The following SVOP variants were observed in gnomAD, a reference collection of about 807,000 sequenced individuals.
The protein encoded by SVOP is synaptic vesicle 2-related protein.
SVOP carries 17 observed loss-of-function variants against 69.1 expected under a neutral mutation model. The observed-to-expected ratio is 0.25, with a 90% CI of 0.17 to 0.37. The LOEUF (loss-of-function observed/expected upper bound fraction) is 0.37, where lower values mean the gene tolerates loss of function less well. Ranked by LOEUF, SVOP falls within the 10% of genes least tolerant of loss-of-function variation. The pLI, the probability that SVOP is intolerant of heterozygous loss-of-function variation, is 1.00. For synonymous variants in SVOP, 238 were observed against 238.6 expected, an observed-to-expected ratio of 1.00 and a Z score of 0.02; for missense variants, 435 against 597.5, an observed-to-expected ratio of 0.73 and a Z score of 2.84.
At chr12:108,963,998 AC>A (rs946973205) in intron 5 of SVOP, among the ~76,000 whole-genome samples, 11 of 152,322 alleles carry the variant, frequency 7.2e-5, no homozygotes, top group African/African-American at 2.6e-4. Flanking sequence ...AAAATATATT[AC>A]AATTTTTTTA....
rs760331681 is a variant in SVOP at position 108,954,113 on chromosome 12, CAA to C, written c.578+6808_578+6809del. On this transcript the variant is annotated intron_variant, in intron 6 of 15. Coordinates refer to ENST00000610966, the MANE Select transcript of SVOP (RefSeq NM_018711.5). ...TGGGTGACAGAGTAAGAATCTGTCT[CAA>C]AAAAAAAAAAAAAAAAAAAAGCTAT... Among the ~76,000 whole-genome samples, 443 of 61,968 alleles carry C rather than the reference CAA, an allele frequency of 7.1e-3. 5 individuals are homozygous for C. The highest frequency in any genetic ancestry group is 0.022 in the African/African-American group (394 of 18,098). The allele number at this position is 61,968 out of a possible 152,430, so 40.7% of individuals were successfully genotyped here. A position where few individuals can be genotyped will look rare whatever the true frequency, so the allele number is the denominator to read the frequency against.
chr12:108,936,101 AG>A (rs1301257094), intron 10 of SVOP, among the ~76,000 whole-genome samples: 1 of 151,788 alleles, frequency 6.6e-6, no homozygotes, highest in Non-Finnish European at 1.5e-5. Context: ...GCTGGAGTGC[AG>A]GGGAGCAATG....
At chr12:108,925,179 C>G (rs913399961) in intron 11 of SVOP, among the ~76,000 whole-genome samples, 1 of 152,218 alleles carries the variant, frequency 6.6e-6, no homozygotes, top group Non-Finnish European at 1.5e-5. Context: ...TGTACCCCTG[C>G]CTTTAAAAAT....
At chr12:108,945,974 G>A (rs190419866) in intron 6 of SVOP, among the ~76,000 whole-genome samples, 1 of 152,286 alleles carries the variant, frequency 6.6e-6, no homozygotes, top group East Asian at 1.9e-4. Context: ...TCCCCTTTGT[G>A]GGGAAGTATT....
At chr12:108,947,275 G>A (rs2039930889) in intron 6 of SVOP, among the ~76,000 whole-genome samples, 1 of 151,984 alleles carries the variant, frequency 6.6e-6, no homozygotes, top group African/African-American at 2.4e-5. Flanking sequence ...TGCTCAGTGT[G>A]CTCATTGCTC....
chr12:108,968,168 G>A (rs985366591), intron 5 of SVOP, among the ~76,000 whole-genome samples: 1 of 152,196 alleles, frequency 6.6e-6, no homozygotes, highest in African/African-American at 2.4e-5. Context: ...TGGAAACAAG[G>A]AGGTCTGGTT....
Position 108,978,592 on chromosome 12 carries a change from T to G in SVOP, c.268A>C (p.Thr90Pro), listed in dbSNP as rs1207733658. ...GKFQWKLSVL[T>P]GLAWMADAME... ...GAAATACTTGCCCAAGCCAAGCCAG[T>G]GAGAACAGACAGCTTCCACTGAAAT... Residue 90 changes from threonine (T) to proline (P), a missense_variant, in exon 3 of 16, where the codon ACT becomes CCT. Transcript: ENST00000610966. 1.4e-6 allele frequency: 1 copy of G among 703,838 alleles called. No homozygotes were observed. The allele number at this position is 703,838 out of a possible 1,614,324, so 43.6% of individuals were successfully genotyped here.
At chr12:108,997,101 C>T (rs188643613) in intron 1 of SVOP, among the ~76,000 whole-genome samples, 1 of 151,636 alleles carries the variant, frequency 6.6e-6, no homozygotes, top group Non-Finnish European at 1.5e-5. Context: ...TCAGTGGGTG[C>T]GTGCACCGTG....
At chr12:108,984,675 G>A (rs2040157851) in intron 1 of SVOP, among the ~76,000 whole-genome samples, 2 of 152,128 alleles carry the variant, frequency 1.3e-5, no homozygotes, top group Non-Finnish European at 2.9e-5. Context: ...GCTGTTTCTT[G>A]TTCCTCTGCA....
intron 1 of SVOP, among the ~76,000 whole-genome samples, chr12:108,999,771 A>G (rs1297773050): frequency 6.7e-6 from 1 of 150,106 alleles, no homozygotes; most frequent in Non-Finnish European, 1.5e-5. Context: ...CAACGAGAAC[A>G]AAGACACAAC....
intron 5 of SVOP, among the ~76,000 whole-genome samples, chr12:108,971,834 G>A (rs527506671): frequency 1.2e-4 from 18 of 151,806 alleles, no homozygotes; most frequent in Non-Finnish European, 1.8e-4. Flanking sequence ...CAGGAGGATC[G>A]CTTGAGGCCA....
chr12:109,019,969 C>T (rs2040387529), intron 1 of SVOP, among the ~76,000 whole-genome samples: 1 of 152,164 alleles, frequency 6.6e-6, no homozygotes, highest in African/African-American at 2.4e-5. Context: ...TCTACTCTTA[C>T]CACTCAAATG....
intron 2 of SVOP, among the ~76,000 whole-genome samples, chr12:108,981,626 A>C (rs937019837): frequency 2.5e-4 from 38 of 152,302 alleles, no homozygotes; most frequent in African/African-American, 8.2e-4. Flanking sequence ...TATAACCCTC[A>C]GCAAGATACT....
intron 1 of SVOP, among the ~76,000 whole-genome samples, chr12:109,006,793 C>A (rs1005536542): frequency 6.6e-6 from 1 of 152,082 alleles, no homozygotes; most frequent in African/African-American, 2.4e-5. Context: ...AGGAAAGGCA[C>A]GCTGGCAGGT....
In SVOP at chr12:108,909,303, G is replaced by A. The variant is rs1282158580; in HGVS notation, c.*3232C>T. 2 of 152,090 alleles carry A rather than the reference G, an allele frequency of 1.3e-5. No homozygotes were observed. Among genetic ancestry groups the A allele is most frequent in the Admixed American group, 1.3e-4 (2 of 15,242 alleles). The allele number at this position is 152,090 out of a possible 1,614,324, so 9.4% of individuals were successfully genotyped here. A position where few individuals can be genotyped will look rare whatever the true frequency, so the allele number is the denominator to read the frequency against. On this transcript the variant is annotated 3_prime_UTR_variant, in exon 16 of 16. Coordinates refer to ENST00000610966, the MANE Select transcript of SVOP (RefSeq NM_018711.5). ...GGCCAAGGTGGGCGGATCACTTGAGGTCAGGAGTTTGAGACCAGCCTGACC... is the reference window on the plus strand; with the variant it reads ...GGCCAAGGTGGGCGGATCACTTGAGATCAGGAGTTTGAGACCAGCCTGACC...
chr12:108,961,151 C>A, intron 5 of SVOP, 104 bp from the exon 6 acceptor site: 3 of 1,371,320 alleles, frequency 2.2e-6, no homozygotes, highest in Non-Finnish European at 2.9e-6. Context: ...TTAAAGGGAG[C>A]CTACACAACC....
At chr12:108,972,570 G>T (rs1482847409) in intron 4 of SVOP, 94 bp from the exon 5 acceptor site, 3 of 1,266,148 alleles carry the variant, frequency 2.4e-6, no homozygotes, top group African/African-American at 3.0e-5. Flanking sequence ...CACCCTCTAG[G>T]TAACAGCAAT....
chr12:108,915,919 C>T lies in SVOP; in HGVS notation c.1351-47G>A. The T allele has an allele frequency of 2.0e-6, 3 of 1,500,732 alleles. No homozygotes were observed. The South Asian group carries it at 3.9e-5, about 20-fold the overall frequency. The allele number at this position is 1,500,732 out of a possible 1,614,324, so 93.0% of individuals were successfully genotyped here. Reference sequence around the variant, plus strand: ...TAGGCATGGGGACATGCAGGTTCCTCCCACCACTCCAGCTCCAAGCTGATA... The same window carrying T: ...TAGGCATGGGGACATGCAGGTTCCTTCCACCACTCCAGCTCCAAGCTGATA... On this transcript the variant is annotated intron_variant, in intron 14 of 15. Coordinates refer to ENST00000610966, the MANE Select transcript of SVOP (RefSeq NM_018711.5).
chr12:108,932,191 A>T (rs1030167031), intron 11 of SVOP, among the ~76,000 whole-genome samples: 3 of 151,776 alleles, frequency 2.0e-5, no homozygotes, highest in African/African-American at 7.2e-5. Flanking sequence ...AATTTTTTAA[A>T]TTTTTTGTAG....
Sources: allele counts gnomAD v4.1 joint callset (sites outside exome capture counted in the v4.1 genomes callset), GRCh38; gene constraint gnomAD v4.1.1; transcripts MANE v1.5; gene names NCBI Gene and HGNC (gene_info 2026-07-23, HGNC 2026-07-21).